The following NRG1 variants were observed in gnomAD, a reference collection of about 807,000 sequenced individuals.
NRG1 encodes the protein neuregulin 1.
In NRG1, 18 loss-of-function variants were observed where a neutral mutation model predicts 63.8. The observed-to-expected ratio is 0.28, with a 90% CI of 0.19 to 0.42. The LOEUF (loss-of-function observed/expected upper bound fraction) is 0.42, where lower values mean the gene tolerates loss of function less well. Among genes scored for constraint, NRG1 ranks in the 10% least tolerant of loss-of-function variants. The probability of loss-of-function intolerance (pLI) is 1.00; values close to 1 mark genes in which losing one functional copy is unlikely to be tolerated. For missense variants in NRG1, 762 were observed against 814.7 expected (o/e 0.94, Z 0.79); for synonymous variants, 302 against 301.3 (o/e 1.00, Z -0.02).
chr8:31,772,631 G>A (rs1818736927), intron 1 of NRG1, among the ~76,000 whole-genome samples: 1 of 152,278 alleles, frequency 6.6e-6, no homozygotes, highest in South Asian at 2.1e-4. Flanking sequence ...GTCATGGGAG[G>A]TGAGAAGACC....
chr8:31,841,129 G>T (rs755980116), intron 1 of NRG1, among the ~76,000 whole-genome samples: 10 of 151,742 alleles, frequency 6.6e-5, no homozygotes, highest in Non-Finnish European at 1.2e-4. Context: ...AATGTAGTTG[G>T]ATCTCAAAAG....
chr8:32,189,613 C>A (rs1186948721), intron 1 of NRG1, among the ~76,000 whole-genome samples: 1 of 152,116 alleles, frequency 6.6e-6, no homozygotes, highest in Admixed American at 6.6e-5. Context: ...TATAAAATGT[C>A]TGGGATAATG....
At chr8:32,709,804 A>G (rs907579798) in intron 5 of NRG1, among the ~76,000 whole-genome samples, 9 of 152,188 alleles carry the variant, frequency 5.9e-5, no homozygotes, top group African/African-American at 1.9e-4. Context: ...GAGTGAAGAT[A>G]AGGCTTGGCA....
intron 1 of NRG1, among the ~76,000 whole-genome samples, chr8:31,704,265 C>T (rs1010676394): frequency 6.6e-6 from 1 of 152,064 alleles, no homozygotes; most frequent in Admixed American, 6.6e-5. Flanking sequence ...TTTGAATTCT[C>T]TCTATTATAT....
At chr8:31,694,253 C>G (rs1809824936) in intron 1 of NRG1, among the ~76,000 whole-genome samples, 1 of 152,168 alleles carries the variant, frequency 6.6e-6, no homozygotes, top group African/African-American at 2.4e-5. Flanking sequence ...TGAAGTCTCT[C>G]TATGCTAGAA....
At chr8:32,124,574 A>G (rs1284253138) in intron 1 of NRG1, among the ~76,000 whole-genome samples, 2 of 151,762 alleles carry the variant, frequency 1.3e-5, no homozygotes, top group Non-Finnish European at 1.5e-5. Context: ...AGGAAGGTAT[A>G]TTGGAGTACT....
intron 1 of NRG1, among the ~76,000 whole-genome samples, chr8:32,404,680 G>A (rs999015340): frequency 1.3e-5 from 2 of 148,812 alleles, no homozygotes; most frequent in African/African-American, 5.0e-5. Flanking sequence ...CACCTCCTGA[G>A]TTCAAGCAAT....
At chr8:32,135,935 CCAAA>C (rs1835451176) in intron 1 of NRG1, among the ~76,000 whole-genome samples, 1 of 151,636 alleles carries the variant, frequency 6.6e-6, no homozygotes, top group Non-Finnish European at 1.5e-5. Context: ...TAGAAGAAAA[CCAAA>C]CAGCCATGCG....
downstream of NRG1, among the ~76,000 whole-genome samples, chr8:32,772,041 G>GTATA (rs1157977487): frequency 0.024 from 248 of 10,360 alleles, 3 homozygotes; most frequent in Non-Finnish European, 0.047. Flanking sequence ...AAAAAAATAT[G>GTATA]TATATATATA....
chr8:32,593,047 G>A (rs1031428456), intron 1 of NRG1, among the ~76,000 whole-genome samples: 41 of 152,212 alleles, frequency 2.7e-4, no homozygotes, highest in African/African-American at 8.9e-4. Flanking sequence ...AGGTGAAAGT[G>A]GATCATTATA....
intron 1 of NRG1, among the ~76,000 whole-genome samples, chr8:32,010,621 A>T (rs976750669): frequency 6.6e-6 from 1 of 152,190 alleles, no homozygotes; most frequent in African/African-American, 2.4e-5. Flanking sequence ...TAAAGTGTCA[A>T]TCAGTCAAAT....
intron 3 of NRG1, among the ~76,000 whole-genome samples, chr8:32,607,984 A>G (rs1845550104): frequency 1.3e-5 from 2 of 151,900 alleles, no homozygotes. Flanking sequence ...TCCTTATCCA[A>G]CCCCTTCATT....
chr8:32,447,327 A>G (rs1236788319), intron 1 of NRG1, among the ~76,000 whole-genome samples: 5 of 152,036 alleles, frequency 3.3e-5, no homozygotes, highest in African/African-American at 1.2e-4. Context: ...TTGGCCCTAA[A>G]ATACTTTTAA....
intron 5 of NRG1, among the ~76,000 whole-genome samples, chr8:32,651,921 AAG>A (rs1398563258): frequency 6.6e-6 from 1 of 152,216 alleles, no homozygotes; most frequent in Admixed American, 6.5e-5. Flanking sequence ...TAAAAACTGG[AAG>A]AGACTGAAAG....
intron 1 of NRG1, among the ~76,000 whole-genome samples, chr8:32,048,330 T>C (rs1349016628): frequency 6.7e-6 from 1 of 149,372 alleles, no homozygotes; most frequent in Non-Finnish European, 1.5e-5. Context: ...TATACATATG[T>C]ACATGTATGT....
At chr8:32,268,750 AT>A (rs755143021) in intron 1 of NRG1, among the ~76,000 whole-genome samples, 23 of 152,124 alleles carry the variant, frequency 1.5e-4, no homozygotes, top group Non-Finnish European at 3.1e-4. Context: ...TTTTCCACAC[AT>A]TATGCACTGG....
chr8:31,757,155 T>A (rs181195607), intron 1 of NRG1, among the ~76,000 whole-genome samples: 1 of 152,294 alleles, frequency 6.6e-6, no homozygotes, highest in Admixed American at 6.5e-5. Flanking sequence ...GCTGTCTCAA[T>A]ACTGGAAATT....
intron 5 of NRG1, among the ~76,000 whole-genome samples, chr8:32,678,995 T>TA (rs35688578): frequency 3.3e-5 from 5 of 150,260 alleles, no homozygotes; most frequent in African/African-American, 7.3e-5. Flanking sequence ...AGAATGGCAT[T>TA]AAAAAAAAAG....
intron 1 of NRG1, among the ~76,000 whole-genome samples, chr8:32,022,780 T>C (rs1816659522): frequency 6.6e-6 from 1 of 152,214 alleles, no homozygotes; most frequent in Non-Finnish European, 1.5e-5. Flanking sequence ...TCATTTCATG[T>C]ATGAAATGAA....
Sources: allele counts gnomAD v4.1 joint callset (sites outside exome capture counted in the v4.1 genomes callset), GRCh38; gene constraint gnomAD v4.1.1; transcripts MANE v1.5; gene names NCBI Gene and HGNC (gene_info 2026-07-23, HGNC 2026-07-21).